MAP1LC3B2: variants seen among roughly 807,000 people sequenced by gnomAD.
MAP1LC3B2 encodes the protein microtubule associated protein 1 light chain 3 beta 2, also known as microtubule-associated protein 1 light chain 3 beta 2.
For synonymous variants in MAP1LC3B2, 62 were observed against 57.8 expected (o/e 1.07, Z -0.33); for missense variants, 155 against 154.6 (o/e 1.00, Z -0.01).
chr12:116,575,791 A>T lies in MAP1LC3B2; in HGVS notation c.-101-51A>T. ...ATATGATGGTGTGTGGCTGTAACAT[A>T]TACAGTTTCTGCCACAACTACTCAG... On this transcript the variant is annotated intron_variant, in intron 1 of 1. Coordinates refer to ENST00000556529, the MANE Select transcript of MAP1LC3B2 (RefSeq NM_001085481.3). The T allele has an allele frequency of 6.3e-6, 5 of 795,898 alleles. No individual in the cohort carries two copies. The South Asian group carries it at 8.4e-5, about 13-fold the overall frequency. 49.3% of individuals were successfully genotyped at this position (795,898 alleles called of 1,614,324 possible). A position where few individuals can be genotyped will look rare whatever the true frequency, so the allele number is the denominator to read the frequency against.
chr12:116,574,951 C>T (rs1869629226), intron 1 of MAP1LC3B2, among the ~76,000 whole-genome samples: 1 of 151,434 alleles, frequency 6.6e-6, no homozygotes, highest in South Asian at 2.1e-4. Context: ...GTCTGTGATC[C>T]CAACACTTTG....
chr12:116,561,858 T>A (rs1869279332), intron 1 of MAP1LC3B2, among the ~76,000 whole-genome samples: 1 of 152,246 alleles, frequency 6.6e-6, no homozygotes, highest in Non-Finnish European at 1.5e-5. Flanking sequence ...CTGGACTCTG[T>A]GCTTCTTATT....
At chr12:116,566,616 TAAAAAAA>T (rs58530141) in intron 1 of MAP1LC3B2, among the ~76,000 whole-genome samples, 25 of 91,640 alleles carry the variant, frequency 2.7e-4, no homozygotes, top group African/African-American at 8.9e-4. Flanking sequence ...AGTCAGTGAT[TAAAAAAA>T]AAAAAAAAAA....
chr12:116,572,602 G>A (rs1203451336), intron 1 of MAP1LC3B2, among the ~76,000 whole-genome samples: 1 of 152,030 alleles, frequency 6.6e-6, no homozygotes, highest in Non-Finnish European at 1.5e-5. Context: ...CTGACCTTTT[G>A]ATCCGCCCGC....
intron 1 of MAP1LC3B2, among the ~76,000 whole-genome samples, chr12:116,566,139 C>T (rs920786006): frequency 6.6e-6 from 1 of 152,160 alleles, no homozygotes; most frequent in Non-Finnish European, 1.5e-5. Flanking sequence ...CTGAGCCTGC[C>T]AATGTTCAAG....
intron 1 of MAP1LC3B2, among the ~76,000 whole-genome samples, chr12:116,564,325 C>T (rs919101137): frequency 6.6e-6 from 1 of 151,784 alleles, no homozygotes; most frequent in Non-Finnish European, 1.5e-5. Flanking sequence ...CAGCTGAGTG[C>T]CTGGGTTTTG....
chr12:116,571,620 A>G lies in MAP1LC3B2; in HGVS notation c.-101-4222A>G, dbSNP rs1337370363. On this transcript the variant is annotated intron_variant, in intron 1 of 1. Transcript: ENST00000556529. Reference sequence around the variant, plus strand: ...CTCAGCCTCCCGAGTAGCTGGGACTACAGGTGCCCACCACCACACCCAGCT... The same window carrying G: ...CTCAGCCTCCCGAGTAGCTGGGACTGCAGGTGCCCACCACCACACCCAGCT... 2.0e-5 allele frequency among the ~76,000 whole-genome samples: 3 copies of G among 151,434 alleles called. No individual in the cohort carries two copies. The East Asian group carries it at 5.9e-4, about 30-fold the overall frequency.
At chr12:116,573,137 T>G (rs1869582417) in intron 1 of MAP1LC3B2, among the ~76,000 whole-genome samples, 1 of 152,238 alleles carries the variant, frequency 6.6e-6, no homozygotes, top group Non-Finnish European at 1.5e-5. Context: ...TTGTCCAGGC[T>G]GTTCTCAAAC....
chr12:116,576,347 A>T lies in MAP1LC3B2; in HGVS notation c.*27A>T, dbSNP rs768709696. The T allele has an allele frequency of 1.9e-6, 3 of 1,593,750 alleles. No individual in the cohort carries two copies. Among genetic ancestry groups the T allele is most frequent in the African/African-American group, 2.8e-5 (2 of 71,546 alleles). On this transcript the variant is annotated 3_prime_UTR_variant, in exon 2 of 2. Transcript: ENST00000556529. Reference sequence around the variant, plus strand: ...ACCAGAAAAAATGCATCTCTTCTAGAATTTTTTAAACCCTTACCAAGGAAA... The same window carrying T: ...ACCAGAAAAAATGCATCTCTTCTAGTATTTTTTAAACCCTTACCAAGGAAA...
chr12:116,575,180 C>CAA (rs112848522), intron 1 of MAP1LC3B2, among the ~76,000 whole-genome samples: 12 of 58,920 alleles, frequency 2.0e-4, no homozygotes, highest in African/African-American at 3.6e-4. Context: ...AACTCAGTCT[C>CAA]AAAAAAAAAA....
chr12:116,567,194 T>C (rs76292233), intron 1 of MAP1LC3B2, among the ~76,000 whole-genome samples: 5,138 of 152,030 alleles, frequency 0.034, 279 homozygotes, highest in African/African-American at 0.12. Flanking sequence ...AAGATTCAAA[T>C]TGAAATTATA....
intron 1 of MAP1LC3B2, among the ~76,000 whole-genome samples, chr12:116,570,406 G>C (rs1225189821): frequency 6.6e-6 from 1 of 152,198 alleles, no homozygotes; most frequent in Non-Finnish European, 1.5e-5. Flanking sequence ...GTTAATATAA[G>C]TGTTCTGAGC....
Position 116,576,204 on chromosome 12 carries a change from A to C in MAP1LC3B2, c.262A>C (p.Met88Leu). The change falls in exon 2 of 2, where the codon ATG becomes CTG. Residue 88 changes from methionine to leucine, a missense_variant. Physicochemically the swap from Met to Leu is conservative, Grantham distance 15. Transcript: ENST00000556529. ...CTTCCTGTTGGTGAACGGACACAGCATGGTCAGCGTCTCCACACCAATCTC... is the reference window on the plus strand; with the variant it reads ...CTTCCTGTTGGTGAACGGACACAGCCTGGTCAGCGTCTCCACACCAATCTC... ...AFFLLVNGHS[M>L]VSVSTPISEV... 1 of 1,614,148 alleles carries C rather than the reference A, an allele frequency of 6.2e-7. No homozygotes were observed. The highest frequency in any genetic ancestry group is 8.5e-7 in the Non-Finnish European group (1 of 1,180,000).
intron 1 of MAP1LC3B2, among the ~76,000 whole-genome samples, chr12:116,568,759 A>G (rs1213520466): frequency 1.3e-5 from 2 of 152,120 alleles, no homozygotes; most frequent in African/African-American, 2.4e-5. Context: ...TCATCATGTG[A>G]TGCCCTCCAC....
rs1491120344 is a variant in MAP1LC3B2 at position 116,560,188 on chromosome 12, C to CCATATATA, written c.-102+755_-102+756insCATATATA. On this transcript the variant is annotated intron_variant, in intron 1 of 1. Coordinates refer to ENST00000556529, the MANE Select transcript of MAP1LC3B2 (RefSeq NM_001085481.3). ...GGCTCTGAAATAAAGCTAAGTTTGG[C>CCATATATA]TATATATATATATATATATATATAT... 46 of 88,424 alleles carry CCATATATA rather than the reference C, an allele frequency of 5.2e-4. 5 individuals are homozygous for CCATATATA. The highest frequency in any genetic ancestry group is 7.4e-4 in the Non-Finnish European group (32 of 42,984). The allele number at this position is 88,424 out of a possible 1,614,324, so 5.5% of individuals were successfully genotyped here.
At chr12:116,562,381 C>T (rs899042707) in intron 1 of MAP1LC3B2, among the ~76,000 whole-genome samples, 1 of 152,210 alleles carries the variant, frequency 6.6e-6, no homozygotes, top group African/African-American at 2.4e-5. Context: ...GGCATCCTGA[C>T]TCATGCAGTG....
chr12:116,570,850 G>C (rs991895898), intron 1 of MAP1LC3B2, among the ~76,000 whole-genome samples: 1 of 152,222 alleles, frequency 6.6e-6, no homozygotes, highest in Non-Finnish European at 1.5e-5. Context: ...AGGTTTACCA[G>C]GATGTATTAA....
chr12:116,574,832 A>G (rs546109705), intron 1 of MAP1LC3B2, among the ~76,000 whole-genome samples: 1 of 152,048 alleles, frequency 6.6e-6, no homozygotes, highest in Non-Finnish European at 1.5e-5. Flanking sequence ...TTGGGATTAC[A>G]GGCCTATATA....
chr12:116,576,479 G>A lies in MAP1LC3B2; in HGVS notation c.*159G>A. ...TTAGGAAGTTGTGTTTGTGTTTCAA[G>A]CAGAAAAACTGAGCTCCAAGTGAGC... On this transcript the variant is annotated 3_prime_UTR_variant, in exon 2 of 2. Transcript: ENST00000556529. The A allele has an allele frequency of 9.8e-7, 1 of 1,021,010 alleles. No individual in the cohort carries two copies. Among genetic ancestry groups the A allele is most frequent in the South Asian group, 1.8e-5 (1 of 55,848 alleles). The allele number at this position is 1,021,010 out of a possible 1,614,324, so 63.2% of individuals were successfully genotyped here. A position where few individuals can be genotyped will look rare whatever the true frequency, so the allele number is the denominator to read the frequency against.
Sources: allele counts gnomAD v4.1 joint callset (sites outside exome capture counted in the v4.1 genomes callset), GRCh38; gene constraint gnomAD v4.1.1; transcripts MANE v1.5; gene names NCBI Gene and HGNC (gene_info 2026-07-23, HGNC 2026-07-21).